Variants in GALNT13 observed in about 807,000 individuals in gnomAD.
GALNT13 encodes polypeptide N-acetylgalactosaminyltransferase 13.
A neutral mutation model predicts 64.2 loss-of-function variants in GALNT13; 28 were observed. The ratio of observed to expected loss-of-function variants is 0.44; its 90% CI spans 0.32 to 0.60. The LOEUF (loss-of-function observed/expected upper bound fraction) is 0.60. Among genes scored for constraint, GALNT13 ranks in the 20% least tolerant of loss-of-function variants. The pLI is 0.05. For missense variants in GALNT13, 577 were observed against 669.8 expected, an observed-to-expected ratio of 0.86 and a Z score of 1.53; for synonymous variants, 214 against 224.6, an observed-to-expected ratio of 0.95 and a Z score of 0.42.
chr2:153,247,087 G>A, the GALNT13 span, among the ~76,000 whole-genome samples: 3 of 151,962 alleles, frequency 2.0e-5, no homozygotes, highest in Non-Finnish European at 2.9e-5. Flanking sequence ...TGCAACAAGA[G>A]CTAACTATCC....
the GALNT13 span, among the ~76,000 whole-genome samples, chr2:153,769,076 T>C: frequency 6.6e-6 from 1 of 152,096 alleles, no homozygotes; most frequent in Non-Finnish European, 1.5e-5. Flanking sequence ...TTGTTAGGAG[T>C]ATTGAGGCCA....
chr2:153,519,423 A>G, the GALNT13 span, among the ~76,000 whole-genome samples: 2 of 152,216 alleles, frequency 1.3e-5, no homozygotes, highest in Non-Finnish European at 1.5e-5. Context: ...ACAGGATAGT[A>G]CAAGTATTCT....
At chr2:153,217,373 T>C in the GALNT13 span, among the ~76,000 whole-genome samples, 218 of 152,234 alleles carry the variant, frequency 1.4e-3, 5 homozygotes, top group East Asian at 0.038. Context: ...TTGTGTGTCA[T>C]TAATTTTGAA....
At chr2:154,002,517 T>A (rs1480917373) in intron 3 of GALNT13, among the ~76,000 whole-genome samples, 1 of 152,054 alleles carries the variant, frequency 6.6e-6, no homozygotes, top group Non-Finnish European at 1.5e-5. Flanking sequence ...ATTGCTTTTG[T>A]CAAATTTCTG....
the GALNT13 span, chr2:153,478,340 G>A: frequency 8.1e-6 from 13 of 1,614,044 alleles, no homozygotes; most frequent in Admixed American, 1.7e-5. Context: ...TTGCAGCCGA[G>A]GAAGAAGATG....
intron 9 of GALNT13, among the ~76,000 whole-genome samples, chr2:154,303,448 G>A (rs1040876284): frequency 2.0e-5 from 3 of 152,134 alleles, no homozygotes; most frequent in Non-Finnish European, 4.4e-5. Flanking sequence ...AAAGAGAAAA[G>A]GGAAGATGGA....
At chr2:154,329,529 C>G (rs1390213092) in intron 9 of GALNT13, among the ~76,000 whole-genome samples, 3 of 152,130 alleles carry the variant, frequency 2.0e-5, no homozygotes, top group Non-Finnish European at 4.4e-5. Flanking sequence ...CTCTGGACAT[C>G]TAGTTTTACA....
At chr2:153,747,930 A>C in the GALNT13 span, among the ~76,000 whole-genome samples, 7 of 152,282 alleles carry the variant, frequency 4.6e-5, no homozygotes, top group Non-Finnish European at 8.8e-5. Context: ...TTAGACACTT[A>C]GATTGCTTCC....
intron 4 of GALNT13, among the ~76,000 whole-genome samples, chr2:154,169,114 C>G (rs1352936228): frequency 6.6e-6 from 1 of 152,024 alleles, no homozygotes; most frequent in Non-Finnish European, 1.5e-5. Context: ...CTCCCTCACT[C>G]CCCGCTACCA....
intron 9 of GALNT13, among the ~76,000 whole-genome samples, chr2:154,302,452 C>G (rs1271234137): frequency 6.6e-6 from 1 of 152,198 alleles, no homozygotes. Flanking sequence ...TTCTGTAATA[C>G]AATCTATTAG....
At chr2:153,101,512 C>G in the GALNT13 span, among the ~76,000 whole-genome samples, 1 of 152,162 alleles carries the variant, frequency 6.6e-6, no homozygotes, top group South Asian at 2.1e-4. Context: ...AGATAGTATT[C>G]TTCCCCTTAT....
chr2:154,405,880 G>T (rs781241466), intron 10 of GALNT13, among the ~76,000 whole-genome samples: 35 of 152,064 alleles, frequency 2.3e-4, no homozygotes, highest in Non-Finnish European at 4.6e-4. Flanking sequence ...AATCAGTTTG[G>T]CTTCGAGGGA....
chr2:154,217,430 G>A (rs1348886243), intron 4 of GALNT13, among the ~76,000 whole-genome samples: 1 of 152,008 alleles, frequency 6.6e-6, no homozygotes, highest in Admixed American at 6.6e-5. Flanking sequence ...GGAAAGAAAG[G>A]TTATCAACAA....
chr2:153,646,491 C>A, the GALNT13 span, among the ~76,000 whole-genome samples: 260 of 150,114 alleles, frequency 1.7e-3, 6 homozygotes, highest in Non-Finnish European at 1.2e-4. Flanking sequence ...ACTTTAAGTT[C>A]TAGGGTACAT....
intron 4 of GALNT13, among the ~76,000 whole-genome samples, chr2:154,221,343 C>T (rs1191414114): frequency 6.6e-6 from 1 of 152,018 alleles, no homozygotes; most frequent in Admixed American, 6.6e-5. Flanking sequence ...GAATGATCCT[C>T]ACCACTGTGT....
intron 9 of GALNT13, among the ~76,000 whole-genome samples, chr2:154,316,231 T>C (rs1694312051): frequency 6.6e-6 from 1 of 152,224 alleles, no homozygotes; most frequent in African/African-American, 2.4e-5. Flanking sequence ...AAGTGAGCTG[T>C]ATTATGCCAT....
At chr2:153,969,873 T>G (rs945417144) in intron 3 of GALNT13, among the ~76,000 whole-genome samples, 3 of 152,180 alleles carry the variant, frequency 2.0e-5, no homozygotes, top group African/African-American at 7.2e-5. Context: ...CTAATCCTAC[T>G]TACTATTTAT....
chr2:153,133,593 A>G, the GALNT13 span, among the ~76,000 whole-genome samples: 2 of 152,066 alleles, frequency 1.3e-5, no homozygotes, highest in African/African-American at 2.4e-5. Context: ...AACTGAGGAG[A>G]AAGTCCTATA....
the GALNT13 span, among the ~76,000 whole-genome samples, chr2:153,724,249 C>T: frequency 7.0e-6 from 1 of 143,632 alleles, no homozygotes; most frequent in Non-Finnish European, 1.5e-5. Flanking sequence ...ACTGGCTAGC[C>T]ATATGTAGAA....
Sources: allele counts gnomAD v4.1 joint callset (sites outside exome capture counted in the v4.1 genomes callset), GRCh38; gene constraint gnomAD v4.1.1; transcripts MANE v1.5; gene names NCBI Gene and HGNC (gene_info 2026-07-23, HGNC 2026-07-21).